CDA: variants seen among roughly 807,000 people sequenced by gnomAD.
CDA encodes cytidine deaminase.
In CDA, 7 loss-of-function variants were observed where a neutral mutation model predicts 15.0. That is an observed-to-expected ratio of 0.47 (90% CI 0.26 to 0.87). The LOEUF (loss-of-function observed/expected upper bound fraction) is 0.87. Ranked by LOEUF, CDA falls within the 40% of genes least tolerant of loss-of-function variation. The pLI, the probability that CDA is intolerant of heterozygous loss-of-function variation, is 0.15. For synonymous variants in CDA, 58 were observed against 73.0 expected (o/e 0.79, Z 1.05); for missense variants, 159 against 182.7 (o/e 0.87, Z 0.75).
intron 1 of CDA, among the ~76,000 whole-genome samples, chr1:20,600,735 CAGAGTG>C (rs2052635300): frequency 7.8e-6 from 1 of 128,708 alleles, no homozygotes; most frequent in Non-Finnish European, 1.6e-5. Flanking sequence ...ACCTGCATGA[CAGAGTG>C]AGACTCTGTC....
At chr1:20,616,671 C>G (rs1306023463) in intron 3 of CDA, among the ~76,000 whole-genome samples, 4 of 152,058 alleles carry the variant, frequency 2.6e-5, no homozygotes, top group Admixed American at 2.6e-4. Flanking sequence ...CGAGAGAAGG[C>G]AAATGAAAAA....
chr1:20,603,524 A>C (rs918259894), intron 1 of CDA, among the ~76,000 whole-genome samples: 2 of 152,226 alleles, frequency 1.3e-5, no homozygotes, highest in Non-Finnish European at 2.9e-5. Flanking sequence ...AGTATGATCC[A>C]GAAATTTCCC....
intron 2 of CDA, among the ~76,000 whole-genome samples, chr1:20,611,147 G>A (rs2052747226): frequency 1.3e-5 from 2 of 152,194 alleles, no homozygotes; most frequent in African/African-American, 4.8e-5. Flanking sequence ...GGCTGAGGTA[G>A]GAGGAGCCTT....
intron 1 of CDA, among the ~76,000 whole-genome samples, chr1:20,594,914 G>C (rs1461375494): frequency 6.6e-6 from 1 of 152,200 alleles, no homozygotes; most frequent in African/African-American, 2.4e-5. Context: ...GCAGCGCCGG[G>C]TGGGTGATGG....
At chr1:20,614,885 G>A (rs985586111) in intron 3 of CDA, among the ~76,000 whole-genome samples, 6 of 151,204 alleles carry the variant, frequency 4.0e-5, no homozygotes, top group Non-Finnish European at 8.8e-5. Context: ...TTTTTGAGAC[G>A]GAGTCTCACT....
intron 1 of CDA, among the ~76,000 whole-genome samples, chr1:20,604,695 G>A (rs2052677071): frequency 6.6e-6 from 1 of 152,132 alleles, no homozygotes. Flanking sequence ...GCTTCATCAT[G>A]GAGGCATTGG....
chr1:20,607,402 A>G (rs1372425546), intron 2 of CDA, among the ~76,000 whole-genome samples: 1 of 152,188 alleles, frequency 6.6e-6, no homozygotes, highest in African/African-American at 2.4e-5. Context: ...GGAATAAAGG[A>G]CGCTGTGCTG....
chr1:20,602,247 C>T (rs969748509), intron 1 of CDA, among the ~76,000 whole-genome samples: 2 of 151,918 alleles, frequency 1.3e-5, no homozygotes, highest in Non-Finnish European at 2.9e-5. Context: ...TTATTTCCCT[C>T]ATCTAACAGA....
chr1:20,593,626 G>A (rs1344827811), intron 1 of CDA, among the ~76,000 whole-genome samples: 1 of 152,198 alleles, frequency 6.6e-6, no homozygotes, highest in African/African-American at 2.4e-5. Flanking sequence ...CATGCTGGAA[G>A]TACAGTGGCG....
chr1:20,606,509 C>T (rs1424751528), intron 2 of CDA, among the ~76,000 whole-genome samples: 1 of 152,048 alleles, frequency 6.6e-6, no homozygotes, highest in African/African-American at 2.4e-5. Flanking sequence ...GGGCTCATTC[C>T]ACTACATCAT....
intron 2 of CDA, among the ~76,000 whole-genome samples, chr1:20,608,997 T>C (rs1031343079): frequency 6.6e-6 from 1 of 152,206 alleles, no homozygotes; most frequent in Non-Finnish European, 1.5e-5. Flanking sequence ...TGTAAGCCAT[T>C]ACTGTTAATG....
chr1:20,593,379 G>C (rs1202059159), intron 1 of CDA, among the ~76,000 whole-genome samples: 2 of 152,156 alleles, frequency 1.3e-5, no homozygotes, highest in African/African-American at 4.8e-5. Context: ...ACTTCCTATG[G>C]TCAACGTCAG....
chr1:20,595,015 C>T (rs1186718092), intron 1 of CDA, among the ~76,000 whole-genome samples: 2 of 152,022 alleles, frequency 1.3e-5, no homozygotes, highest in African/African-American at 2.4e-5. Flanking sequence ...GATGAGACCA[C>T]GACAGTGCCA....
rs1553141889 is a variant in CDA, at chr1:20,589,099, C to T, written c.-31C>T. 1.5e-5 allele frequency: 24 copies of T among 1,609,394 alleles called. No homozygotes were observed. Among genetic ancestry groups the T allele is most frequent in the African/African-American group, 4.0e-5 (3 of 74,250 alleles). The stretch of plus-strand genomic sequence containing the variant: ...CAGGCTGGCCGGAGCTCCTGTTTCC[C>T]GCTGCTCTGCTGCCTGCCCGGGGTA... On this transcript the variant is annotated 5_prime_UTR_variant, in exon 1 of 4. Coordinates refer to ENST00000375071, the MANE Select transcript of CDA (RefSeq NM_001785.3).
At chr1:20,595,161 T>C (rs948440483) in intron 1 of CDA, among the ~76,000 whole-genome samples, 7 of 152,130 alleles carry the variant, frequency 4.6e-5, no homozygotes, top group Non-Finnish European at 7.4e-5. Flanking sequence ...TCTCTCCCTC[T>C]TTCCTCCTCC....
intron 1 of CDA, among the ~76,000 whole-genome samples, chr1:20,598,062 G>A (rs1045846478): frequency 6.6e-6 from 1 of 152,090 alleles, no homozygotes; most frequent in African/African-American, 2.4e-5. Context: ...TGGTTTGAAG[G>A]TTTGCCCCCT....
intron 1 of CDA, among the ~76,000 whole-genome samples, chr1:20,592,223 C>T (rs2052555980): frequency 1.3e-5 from 2 of 152,122 alleles, no homozygotes; most frequent in South Asian, 4.1e-4. Flanking sequence ...TGCTGGTATG[C>T]CTGGCACGAC....
chr1:20,609,206 C>A (rs892597393), intron 2 of CDA, among the ~76,000 whole-genome samples: 42 of 152,080 alleles, frequency 2.8e-4, no homozygotes, highest in African/African-American at 9.9e-4. Flanking sequence ...GAAAGAAGGC[C>A]GGGCGCAGTG....
At chr1:20,591,487 T>C (rs2052548301) in intron 1 of CDA, among the ~76,000 whole-genome samples, 1 of 152,194 alleles carries the variant, frequency 6.6e-6, no homozygotes, top group African/African-American at 2.4e-5. Flanking sequence ...GAACATCAAC[T>C]CTGTTCCAGG....
Sources: gnomAD v4.1 joint callset for allele counts (sites outside exome capture counted in the v4.1 genomes callset) on GRCh38, gnomAD v4.1.1 for gene constraint, MANE v1.5 for transcripts, NCBI Gene and HGNC (gene_info 2026-07-23, HGNC 2026-07-21) for gene names.